Variants in DNAJC1 observed in about 807,000 individuals in gnomAD.
The protein encoded by DNAJC1 is dnaJ homolog subfamily C member 1.
A neutral mutation model predicts 76.6 loss-of-function variants in DNAJC1; 58 were observed. The observed-to-expected ratio is 0.76, with a 90% CI of 0.61 to 0.94. The LOEUF is 0.94. Among genes scored for constraint, DNAJC1 ranks in the 40% least tolerant of loss-of-function variants. DNAJC1 has a pLI of 0.00. For synonymous variants in DNAJC1, 258 were observed against 267.9 expected (o/e 0.96, Z 0.36); for missense variants, 689 against 677.3 (o/e 1.02, Z -0.19).
chr10:21,756,651 T>C lies in DNAJC1; in HGVS notation c.*36A>G, dbSNP rs200821856. 2.0e-6 allele frequency: 3 copies of C among 1,518,516 alleles called. No homozygotes were observed. Among genetic ancestry groups the C allele is most frequent in the East Asian group, 2.3e-5 (1 of 44,414 alleles). The allele number at this position is 1,518,516 out of a possible 1,614,324, so 94.1% of individuals were successfully genotyped here. A position where few individuals can be genotyped will look rare whatever the true frequency, so the allele number is the denominator to read the frequency against. ...GCATAAGATTTTTAAGATATTCATTTTGGAAAATGAAGGTGAACATCATCT... is the reference window on the plus strand; with the variant it reads ...GCATAAGATTTTTAAGATATTCATTCTGGAAAATGAAGGTGAACATCATCT... On this transcript the variant is annotated 3_prime_UTR_variant, in exon 12 of 12. Transcript: ENST00000376980.
chr10:21,867,866 G>A (rs1003857768), intron 8 of DNAJC1, among the ~76,000 whole-genome samples: 1 of 151,892 alleles, frequency 6.6e-6, no homozygotes, highest in African/African-American at 2.4e-5. Context: ...GAGGTCAGGA[G>A]TTTGAGACCA....
At chr10:21,942,452 GAAT>G (rs1030094647) in intron 1 of DNAJC1, among the ~76,000 whole-genome samples, 8 of 151,862 alleles carry the variant, frequency 5.3e-5, no homozygotes, top group African/African-American at 1.9e-4. Flanking sequence ...TAGAGAATTT[GAAT>G]AATAATTTTT....
chr10:21,929,042 G>A lies in DNAJC1; in HGVS notation c.322C>T (p.Gln108Ter). 4 of 1,589,814 alleles carry A rather than the reference G, an allele frequency of 2.5e-6. No homozygotes were observed. Among genetic ancestry groups the A allele is most frequent in the Non-Finnish European group, 3.4e-6 (4 of 1,162,444 alleles). ...ATATAATAGCATATTTCACTTACTT[G>A]TCTAAACTGAGTTTCTGCATTTTCA... ...KDENAETQFR[Q>*]LVAIYEVLKD... is the part of the protein sequence containing the mutation. Residue 108 changes from glutamine to a stop codon, truncating the protein, a stop_gained and splice_region_variant, in exon 2 of 12, where the codon CAA (glutamine) becomes TAA (stop). Transcript: ENST00000376980. LOFTEE classifies it high-confidence loss of function.
At chr10:21,972,433 T>C (rs1174657832) in intron 1 of DNAJC1, among the ~76,000 whole-genome samples, 1 of 152,004 alleles carries the variant, frequency 6.6e-6, no homozygotes, top group Non-Finnish European at 1.5e-5. Context: ...TGAGTATGTA[T>C]TTAAATCTAA....
chr10:21,775,499 A>C (rs1355345807), intron 9 of DNAJC1, among the ~76,000 whole-genome samples: 1 of 152,096 alleles, frequency 6.6e-6, no homozygotes, highest in Non-Finnish European at 1.5e-5. Flanking sequence ...TTTCCTAATA[A>C]GTAGTGGTCT....
At chr10:21,815,200 A>G (rs576331805) in intron 8 of DNAJC1, among the ~76,000 whole-genome samples, 1 of 152,316 alleles carries the variant, frequency 6.6e-6, no homozygotes, top group East Asian at 1.9e-4. Context: ...ACTAAAAACA[A>G]TGTTAAGCCT....
rs115192995 is a variant in DNAJC1 at position 21,798,814 on chromosome 10, G to A, written c.1098+7166C>T. ...CCTTAGGGCAACTATCTTTGCTTGC[G>A]TGGTTGCAACTTAGTTGCAGGCATA... On this transcript the variant is annotated intron_variant, in intron 9 of 11. Transcript: ENST00000376980. Among the ~76,000 whole-genome samples, 954 of 152,220 alleles carry A rather than the reference G, an allele frequency of 6.3e-3. 7 individuals carry two copies. The highest frequency in any genetic ancestry group is 0.019 in the African/African-American group (802 of 41,520).
intron 10 of DNAJC1, among the ~76,000 whole-genome samples, chr10:21,762,715 T>A (rs1162144810): frequency 6.6e-6 from 1 of 151,984 alleles, no homozygotes; most frequent in Non-Finnish European, 1.5e-5. Context: ...GCTCAAGTGA[T>A]CCTCCCACCT....
At chr10:21,770,362 T>C (rs1834358014) in intron 9 of DNAJC1, among the ~76,000 whole-genome samples, 1 of 152,052 alleles carries the variant, frequency 6.6e-6, no homozygotes, top group Non-Finnish European at 1.5e-5. Flanking sequence ...CATTTAACTT[T>C]TTATTATTGA....
chr10:21,882,572 A>G, intron 7 of DNAJC1, 133 bp from the exon 8 acceptor site: 1 of 620,928 alleles, frequency 1.6e-6, no homozygotes, highest in Non-Finnish European at 2.5e-6. Flanking sequence ...AATTGGCTAT[A>G]ACTTTTATTG....
chr10:21,887,249 A>G (rs1297514957), intron 7 of DNAJC1, among the ~76,000 whole-genome samples: 1 of 152,200 alleles, frequency 6.6e-6, no homozygotes. Flanking sequence ...AGACACAAAC[A>G]AGTGGAAAAA....
intron 8 of DNAJC1, among the ~76,000 whole-genome samples, chr10:21,861,304 A>C (rs1271872680): frequency 2.0e-5 from 3 of 152,180 alleles, no homozygotes; most frequent in Non-Finnish European, 4.4e-5. Flanking sequence ...CAAAATATTA[A>C]ATATTAATCC....
intron 7 of DNAJC1, among the ~76,000 whole-genome samples, chr10:21,890,115 C>G (rs886097179): frequency 3.9e-5 from 6 of 151,972 alleles, no homozygotes; most frequent in African/African-American, 9.7e-5. Context: ...AGTGTGGTTA[C>G]AGAGGAAGTC....
At chr10:21,874,450 G>C (rs1241787495) in intron 8 of DNAJC1, among the ~76,000 whole-genome samples, 1 of 151,382 alleles carries the variant, frequency 6.6e-6, no homozygotes, top group Non-Finnish European at 1.5e-5. Context: ...AAAAAAAAGA[G>C]AGAGATGAGG....
intron 8 of DNAJC1, among the ~76,000 whole-genome samples, chr10:21,818,626 C>T (rs1231797023): frequency 6.6e-6 from 1 of 152,126 alleles, no homozygotes; most frequent in African/African-American, 2.4e-5. Flanking sequence ...CCTGGACACC[C>T]AGCTTTACAC....
chr10:21,787,197 A>G (rs1326108138), intron 9 of DNAJC1, among the ~76,000 whole-genome samples: 1 of 151,992 alleles, frequency 6.6e-6, no homozygotes, highest in East Asian at 1.9e-4. Flanking sequence ...GCATGGTGGC[A>G]GGCGCTTGTA....
chr10:21,799,704 C>T (rs1344873454), intron 9 of DNAJC1, among the ~76,000 whole-genome samples: 1 of 152,092 alleles, frequency 6.6e-6, no homozygotes, highest in African/African-American at 2.4e-5. Flanking sequence ...CCTATCATGC[C>T]GTCCTTAGTT....
chr10:21,994,803 CA>C (rs1400106869), intron 1 of DNAJC1, among the ~76,000 whole-genome samples: 2 of 151,214 alleles, frequency 1.3e-5, no homozygotes, highest in African/African-American at 2.4e-5. Context: ...AACAAACAAA[CA>C]AAAAAACACA....
chr10:21,855,127 T>C (rs763772967), intron 8 of DNAJC1, among the ~76,000 whole-genome samples: 2 of 152,168 alleles, frequency 1.3e-5, no homozygotes, highest in Non-Finnish European at 2.9e-5. Flanking sequence ...TTAAAAAATA[T>C]AGGCATTTAA....
Sources: gnomAD v4.1 joint callset for allele counts (sites outside exome capture counted in the v4.1 genomes callset) on GRCh38, gnomAD v4.1.1 for gene constraint, MANE v1.5 for transcripts, NCBI Gene and HGNC (gene_info 2026-07-23, HGNC 2026-07-21) for gene names.